Variants in BMP8A observed in about 807,000 individuals in gnomAD.
BMP8A encodes the protein bone morphogenetic protein 8a.
Under a neutral mutation model 36.8 loss-of-function variants are expected in BMP8A, and 14 were observed. The observed-to-expected ratio is 0.38, with a 90% CI of 0.25 to 0.60. The LOEUF is 0.60. Ranked by LOEUF, BMP8A falls within the 20% of genes least tolerant of loss-of-function variation. BMP8A has a pLI of 0.63. For synonymous variants in BMP8A, 120 were observed against 237.7 expected (o/e 0.50, Z 4.55); for missense variants, 267 against 551.1 (o/e 0.48, Z 5.16).
intron 1 of BMP8A, among the ~76,000 whole-genome samples, chr1:39,496,087 T>C (rs2124309453): frequency 6.6e-6 from 1 of 152,372 alleles, no homozygotes; most frequent in African/African-American, 2.4e-5. Context: ...CCGTGTGACC[T>C]GGAACGGTGG....
At position 39,522,999 on chromosome 1, in the gene BMP8A, C is replaced by A; in HGVS notation, c.949-8C>A. 7 of 1,597,246 alleles carry A rather than the reference C, an allele frequency of 4.4e-6. No homozygotes were observed. Among genetic ancestry groups the A allele is most frequent in the Non-Finnish European group, 6.0e-6 (7 of 1,170,390 alleles). ...TGGATGGGACTCACCTTCTCCCTTG[C>A]CCCCCAGGACTGGGTCATCGCCCCC... is the stretch of plus-strand genomic sequence containing the variant. On this transcript the variant is annotated splice_region_variant and splice_polypyrimidine_tract_variant and intron_variant, in intron 5 of 6. Transcript: ENST00000331593.
intron 1 of BMP8A, among the ~76,000 whole-genome samples, chr1:39,495,221 G>T (rs1645195251): frequency 6.6e-6 from 1 of 152,212 alleles, no homozygotes; most frequent in Non-Finnish European, 1.5e-5. Flanking sequence ...AGCCAGGCCT[G>T]GTGCCCCTAG....
chr1:39,503,511 T>TC (rs1645271199), intron 1 of BMP8A, among the ~76,000 whole-genome samples: 1 of 128,862 alleles, frequency 7.8e-6, no homozygotes, highest in African/African-American at 3.0e-5. Flanking sequence ...AGTCTTTCTT[T>TC]TTTTTTTTTT....
Position 39,515,116 on chromosome 1 carries a change from C to T in BMP8A, c.673+3212C>T, listed in dbSNP as rs532255736. 14 of 1,576,972 alleles carry T rather than the reference C, an allele frequency of 8.9e-6. 1 individual carries two copies. The African/African-American group carries it at 1.8e-4, about 20-fold the overall frequency. On this transcript the variant is annotated intron_variant, in intron 3 of 6. Coordinates refer to ENST00000331593, the MANE Select transcript of BMP8A (RefSeq NM_181809.4). ...CCGGTGGAGATGGTGAAGGACATCT[C>T]TGACGGGGCGACCGTCATGATCGGG...
chr1:39,508,328 G>T (rs1464485119), intron 1 of BMP8A, among the ~76,000 whole-genome samples: 1 of 152,004 alleles, frequency 6.6e-6, no homozygotes, highest in Non-Finnish European at 1.5e-5. Flanking sequence ...AGTTTCAGAC[G>T]TGGTCTTCTG....
At position 39,525,962 on chromosome 1, in the gene BMP8A, T is replaced by C. The variant is rs1570321105; in HGVS notation, c.*164T>C. 21 of 1,244,092 alleles carry C rather than the reference T, an allele frequency of 1.7e-5. No homozygotes were observed. In the East Asian group the frequency reaches 5.3e-4, roughly 31 times the overall value. 77.1% of individuals were successfully genotyped at this position (1,244,092 alleles called of 1,614,324 possible). On this transcript the variant is annotated 3_prime_UTR_variant, in exon 7 of 7. Transcript: ENST00000331593. ...TTCTGGTCCTTTCTCGGTACCTCTG[T>C]GCCCCTCCCCTGGGGTTTGTGGCTG...
At chr1:39,515,764 G>A in intron 3 of BMP8A, 1 of 1,591,974 alleles carries the variant, frequency 6.3e-7, no homozygotes, top group Non-Finnish European at 8.6e-7. Context: ...AGAAATACGA[G>A]AAACGAATTG....
In BMP8A at chr1:39,522,278, A is replaced by C. The variant is rs1246825469; in HGVS notation, c.869-125A>C. 3 of 1,049,748 alleles carry C rather than the reference A, an allele frequency of 2.9e-6. No homozygotes were observed. The African/African-American group carries it at 4.6e-5, about 16-fold the overall frequency. 65.0% of individuals were successfully genotyped at this position (1,049,748 alleles called of 1,614,324 possible). A position where few individuals can be genotyped will look rare whatever the true frequency, so the allele number is the denominator to read the frequency against. The stretch of plus-strand genomic sequence containing the variant: ...TCCAGGGATGGGCTTTATGAGACCA[A>C]ATGGTTTCCTGTCATTCATTTATTT... On this transcript the variant is annotated intron_variant, in intron 4 of 6. Transcript: ENST00000331593.
intron 1 of BMP8A, among the ~76,000 whole-genome samples, chr1:39,503,502 GTCTT>G (rs1645270638): frequency 7.1e-6 from 1 of 141,812 alleles, no homozygotes; most frequent in African/African-American, 2.6e-5. Flanking sequence ...TATGCTTACA[GTCTT>G]TCTTTTTTTT....
At chr1:39,523,700 TA>T in intron 6 of BMP8A, 1 of 1,397,170 alleles carries the variant, frequency 7.2e-7, no homozygotes, top group Non-Finnish European at 9.4e-7. Flanking sequence ...GGGGCAACCT[TA>T]AAGGACAAAA....
At chr1:39,514,903 G>A (rs907317439) in intron 3 of BMP8A, 2 of 1,426,236 alleles carry the variant, frequency 1.4e-6, no homozygotes, top group East Asian at 2.7e-5. Flanking sequence ...CGCGCGGCCC[G>A]AGGCGCACGC....
At chr1:39,509,587 C>T (rs575348031) in intron 1 of BMP8A, among the ~76,000 whole-genome samples, 80 of 152,244 alleles carry the variant, frequency 5.3e-4, no homozygotes, top group Non-Finnish European at 1.0e-3. Flanking sequence ...GAGCGGCCAC[C>T]TCCTCCTGCC....
Position 39,504,489 on chromosome 1 carries a change from C to G in BMP8A, c.335-6685C>G, listed in dbSNP as rs571371202. 7.2e-5 allele frequency among the ~76,000 whole-genome samples: 11 copies of G among 152,270 alleles called. No homozygotes were observed. In the East Asian group the frequency reaches 2.1e-3, roughly 29 times the overall value. ...GGCCAGATTTATGTTTGACTTTACA[C>G]AAACATCTCAATGCAGTAAAGAGCA... On this transcript the variant is annotated intron_variant, in intron 1 of 6. Transcript: ENST00000331593.
intron 1 of BMP8A, among the ~76,000 whole-genome samples, chr1:39,497,985 G>C (rs1380841395): frequency 6.6e-6 from 1 of 152,228 alleles, no homozygotes; most frequent in Non-Finnish European, 1.5e-5. Context: ...TCTGTTGATA[G>C]GAGGGCCTTG....
chr1:39,516,736 C>G (rs1467686378), intron 3 of BMP8A, among the ~76,000 whole-genome samples: 3 of 151,794 alleles, frequency 2.0e-5, no homozygotes, highest in African/African-American at 7.3e-5. Context: ...AATGGATGTC[C>G]GCTTTGCTCT....
intron 1 of BMP8A, among the ~76,000 whole-genome samples, chr1:39,506,523 T>G (rs1316813058): frequency 1.3e-5 from 2 of 152,106 alleles, no homozygotes; most frequent in African/African-American, 4.8e-5. Flanking sequence ...CCTGGTTTTC[T>G]TATACTACAG....
chr1:39,523,723 A>ATGC, intron 6 of BMP8A: 1 of 1,358,894 alleles, frequency 7.4e-7, no homozygotes, highest in South Asian at 1.7e-5. Flanking sequence ...CAGGCTTCTG[A>ATGC]TGGGATCACT....
Position 39,523,068 on chromosome 1 carries a change from C to T in BMP8A, c.1010C>T (p.Pro337Leu), listed in dbSNP as rs752047389. 6.4e-5 allele frequency: 104 copies of T among 1,613,874 alleles called. No homozygotes were observed. The highest frequency in any genetic ancestry group is 1.1e-4 in the East Asian group (5 of 44,882). ...TACTGTGAGGGGGAGTGCTCCTTCC[C>T]GCTGGACTCCTGCATGAACGCCACC... ...AYYCEGECSF[P>L]LDSCMNATNH... The change falls in exon 6 of 7, where the codon CCG becomes CTG. Residue 337 changes from proline to leucine, a missense_variant. Pro to Leu is a moderately conservative substitution (Grantham distance 98). Coordinates refer to ENST00000331593, the MANE Select transcript of BMP8A (RefSeq NM_181809.4).
At chr1:39,506,647 C>G (rs1437508837) in intron 1 of BMP8A, among the ~76,000 whole-genome samples, 2 of 152,178 alleles carry the variant, frequency 1.3e-5, no homozygotes, top group Non-Finnish European at 2.9e-5. Flanking sequence ...TAAAGTATTT[C>G]AAAATCAAGT....
Sources: gnomAD v4.1 joint callset for allele counts (sites outside exome capture counted in the v4.1 genomes callset) on GRCh38, gnomAD v4.1.1 for gene constraint, MANE v1.5 for transcripts, NCBI Gene and HGNC (gene_info 2026-07-23, HGNC 2026-07-21) for gene names.